Variants in ZNF331 observed in about 807,000 individuals in gnomAD.
ZNF331 encodes the protein zinc finger protein 331.
Under a neutral mutation model 7.0 loss-of-function variants are expected in ZNF331, and 2 were observed. The ratio of observed to expected loss-of-function variants is 0.29; its 90% CI spans 0.12 to 0.90. ZNF331 has a LOEUF of 0.90. Ranked by LOEUF, ZNF331 falls within the 40% of genes least tolerant of loss-of-function variation. ZNF331 has a pLI of 0.58. For synonymous variants in ZNF331, 196 were observed against 205.4 expected (o/e 0.95, Z 0.39); for missense variants, 432 against 587.7 (o/e 0.74, Z 2.74).
chr19:53,540,944 A>G (rs1249694937), intron 2 of ZNF331, among the ~76,000 whole-genome samples: 1 of 152,032 alleles, frequency 6.6e-6, no homozygotes, highest in Non-Finnish European at 1.5e-5. Context: ...CGCTGAGGTA[A>G]CTCAGGATAA....
intron 2 of ZNF331, among the ~76,000 whole-genome samples, chr19:53,541,531 C>A (rs966219613): frequency 1.1e-4 from 17 of 152,186 alleles, no homozygotes; most frequent in African/African-American, 3.9e-4. Context: ...CCTCAATCTC[C>A]TGGGCTAAAG....
the ZNF331 span, among the ~76,000 whole-genome samples, chr19:53,509,257 T>C: frequency 1.3e-5 from 2 of 152,192 alleles, no homozygotes; most frequent in Non-Finnish European, 2.9e-5. Context: ...TCCTCCTGTT[T>C]TTCTTCCACG....
At chr19:53,508,783 A>T in the ZNF331 span, among the ~76,000 whole-genome samples, 3 of 152,302 alleles carry the variant, frequency 2.0e-5, no homozygotes, top group East Asian at 5.8e-4. Flanking sequence ...AGTTAGTTAC[A>T]ATTAAGTTTT....
rs7258307 is a variant in ZNF331 at position 53,521,335 on chromosome 19, T to A, written c.-1022T>A. 53 of 53,976 alleles carry A rather than the reference T, an allele frequency of 9.8e-4. No individual in the cohort carries two copies. The highest frequency in any genetic ancestry group is 1.5e-3 in the Non-Finnish European group (35 of 23,480). 3.3% of individuals were successfully genotyped at this position (53,976 alleles called of 1,614,324 possible). On this transcript the variant is annotated 5_prime_UTR_variant, in exon 1 of 7. Transcript: ENST00000253144. ...AGGGAAGTGGGAGTGTGTGTGAGTG[T>A]GTGTGTGTGTGTGTGTGTGTGTGTG...
chr19:53,560,171 TACAC>T lies in ZNF331; in HGVS notation c.-74+4268_-74+4271del, dbSNP rs957672783. Among the ~76,000 whole-genome samples, 1 of 150,004 alleles carries T rather than the reference TACAC, an allele frequency of 6.7e-6. No individual in the cohort carries two copies. Among genetic ancestry groups the T allele is most frequent in the Admixed American group, 6.7e-5 (1 of 15,026 alleles). On this transcript the variant is annotated intron_variant, in intron 3 of 5. Coordinates refer to ENST00000449416, the MANE Select transcript of ZNF331 (RefSeq NM_001079906.2). This position sits in a 1 kb window ranked among gnomAD's most constrained non-coding sequence, Gnocchi z 4.3. ...CATATATACACATCCACACCATATA[TACAC>T]ACACCATACACACACATATATACAC...
chr19:53,562,850 T>G (rs2089962300), intron 3 of ZNF331, among the ~76,000 whole-genome samples: 1 of 151,572 alleles, frequency 6.6e-6, no homozygotes, highest in Non-Finnish European at 1.5e-5. Flanking sequence ...TAGCCGGGCA[T>G]GGTGACGCAT....
At chr19:53,513,659 T>C in the ZNF331 span, among the ~76,000 whole-genome samples, 1 of 152,170 alleles carries the variant, frequency 6.6e-6, no homozygotes, top group Non-Finnish European at 1.5e-5. Flanking sequence ...TTCGTTGTTG[T>C]TGTTGTTTTT....
At chr19:53,556,072 G>A (rs1402664367) in intron 3 of ZNF331, among the ~76,000 whole-genome samples, 164 bp downstream of exon 3, 2 of 151,736 alleles carry the variant, frequency 1.3e-5, no homozygotes, top group South Asian at 2.1e-4. Flanking sequence ...GTGAAACCCC[G>A]TCTCTACTAA....
intron 3 of ZNF331, among the ~76,000 whole-genome samples, chr19:53,569,039 G>T (rs977048969): frequency 1.3e-5 from 2 of 151,862 alleles, no homozygotes; most frequent in African/African-American, 4.8e-5. Flanking sequence ...TGTATTTTTA[G>T]TAGAGGCAGG....
At chr19:53,541,942 G>A (rs1287379089) in intron 2 of ZNF331, among the ~76,000 whole-genome samples, 2 of 151,614 alleles carry the variant, frequency 1.3e-5, no homozygotes, top group Non-Finnish European at 2.9e-5. Context: ...GGGCTTAGGG[G>A]TTCCAGGCTG....
rs924817268 is a variant in ZNF331, at chr19:53,573,462, CT to C, written c.136+1743del. The stretch of plus-strand genomic sequence containing the variant: ...CCCGGGAGGTAGAGGTATAGCATTT[CT>C]TTTTTTTTTTAAGTTGAGATTTTTT... On this transcript the variant is annotated intron_variant, in intron 5 of 5. Transcript: ENST00000449416. The surrounding 1 kb of genome is among the most constrained non-coding windows in gnomAD (Gnocchi z 4.2). Among the ~76,000 whole-genome samples, 43 of 146,512 alleles carry C rather than the reference CT, an allele frequency of 2.9e-4. No individual in the cohort carries two copies. Among genetic ancestry groups the C allele is most frequent in the East Asian group, 1.2e-3 (6 of 5,000 alleles).
At chr19:53,515,938 T>C (rs1218247954), upstream of ZNF331, among the ~76,000 whole-genome samples, 1 of 152,220 alleles carries the variant, frequency 6.6e-6, no homozygotes, top group African/African-American at 2.4e-5. Flanking sequence ...ATGTGATATA[T>C]ACACATTAAA....
intron 2 of ZNF331, among the ~76,000 whole-genome samples, chr19:53,554,142 T>C (rs559574809): frequency 2.4e-4 from 37 of 152,152 alleles, no homozygotes; most frequent in African/African-American, 7.9e-4. Context: ...ATTCGCTTCC[T>C]AGGAGGAACC....
chr19:53,514,358 C>G, the ZNF331 span, among the ~76,000 whole-genome samples: 3 of 151,968 alleles, frequency 2.0e-5, no homozygotes, highest in Non-Finnish European at 4.4e-5. Flanking sequence ...GCCACCACAC[C>G]CGGCAAATTT....
Position 53,558,944 on chromosome 19 carries a change from CAT to C in ZNF331, c.-74+3040_-74+3041del, listed in dbSNP as rs1242245493. ...TACACACACATACACACCATACACA[CAT>C]ATACACATACCATATACACACCATA... On this transcript the variant is annotated intron_variant, in intron 3 of 5. Transcript: ENST00000449416. The surrounding 1 kb of genome is among the most constrained non-coding windows in gnomAD (Gnocchi z 4.5). Among the ~76,000 whole-genome samples the C allele has an allele frequency of 3.1e-5, 3 of 96,510 alleles. 1 individual carries two copies. The East Asian group carries it at 6.7e-4, about 22-fold the overall frequency. The allele number at this position is 96,510 out of a possible 152,430, so 63.3% of individuals were successfully genotyped here.
Position 53,575,447 on chromosome 19 carries a change from C to T in ZNF331, c.137-1250C>T, listed in dbSNP as rs545633234. 5.4e-5 allele frequency among the ~76,000 whole-genome samples: 8 copies of T among 148,930 alleles called. No homozygotes were observed. In the South Asian group the frequency reaches 6.5e-4, roughly 12 times the overall value. The stretch of plus-strand genomic sequence containing the variant: ...TCACATTTTTTATTAAATTTAGTCT[C>T]GTAAATTATCTTTTTTGTTGCTTTT... On this transcript the variant is annotated intron_variant, in intron 5 of 5. Coordinates refer to ENST00000449416, the MANE Select transcript of ZNF331 (RefSeq NM_001079906.2).
intron 3 of ZNF331, among the ~76,000 whole-genome samples, chr19:53,565,628 G>A (rs2090117004): frequency 6.6e-6 from 1 of 152,084 alleles, no homozygotes; most frequent in South Asian, 2.1e-4. Flanking sequence ...CTGGGTTCAA[G>A]CAATTCTTGT....
the ZNF331 span, among the ~76,000 whole-genome samples, chr19:53,508,915 G>T: frequency 6.6e-6 from 1 of 152,172 alleles, no homozygotes; most frequent in African/African-American, 2.4e-5. Context: ...CTGATTCTGT[G>T]GAGGGAGAGG....
intron 3 of ZNF331, among the ~76,000 whole-genome samples, chr19:53,565,608 A>T (rs2090116074): frequency 6.6e-6 from 1 of 151,196 alleles, no homozygotes; most frequent in African/African-American, 2.4e-5. Flanking sequence ...CTCACTGGAA[A>T]CTCCACCTCC....
Sources: allele counts gnomAD v4.1 joint callset (sites outside exome capture counted in the v4.1 genomes callset), GRCh38; gene constraint gnomAD v4.1.1; non-coding constraint Gnocchi (gnomAD v3.1); transcripts MANE v1.5; gene names NCBI Gene and HGNC (gene_info 2026-07-23, HGNC 2026-07-21).